Variants in MYCBP2 observed in about 807,000 individuals in gnomAD.
The protein encoded by MYCBP2 is E3 ubiquitin-protein ligase MYCBP2.
In MYCBP2, 120 loss-of-function variants were observed where a neutral mutation model predicts 525.3. That is an observed-to-expected ratio of 0.23 (90% confidence interval 0.20 to 0.27). The LOEUF (loss-of-function observed/expected upper bound fraction) is 0.27. MYCBP2 is among the 10% of genes least tolerant of loss of function. MYCBP2 has a pLI of 1.00. For missense variants in MYCBP2, 4,149 were observed against 5,657.1 expected (o/e 0.73, Z 8.55); for synonymous variants, 1,894 against 1,955.8 (o/e 0.97, Z 0.83).
Position 77,062,632 on chromosome 13 carries a change from C to T in MYCBP2, c.12738G>A (p.Gly4246=). 1.2e-6 allele frequency: 2 copies of T among 1,614,184 alleles called. No individual in the cohort carries two copies. Among genetic ancestry groups the T allele is most frequent in the South Asian group, 1.1e-5 (1 of 91,084 alleles). Residue 4246 remains glycine (G), a synonymous_variant, in exon 74 of 83, where the codon GGG becomes GGA. Coordinates refer to ENST00000544440, the MANE Select transcript of MYCBP2 (RefSeq NM_015057.5). Reference sequence around the variant, plus strand: ...GTTGTCCATCCTTTCCCATCCATCTCCCCGAGGAGAGACGATCTACGTGGT... The same window carrying T: ...GTTGTCCATCCTTTCCCATCCATCTTCCCGAGGAGAGACGATCTACGTGGT... ...DQDHVDRLSS[G]RWMGKDGQQK... is the part of the protein sequence containing the mutation.
At chr13:77,242,686 C>T (rs951922559) in intron 17 of MYCBP2, among the ~76,000 whole-genome samples, 7 of 152,114 alleles carry the variant, frequency 4.6e-5, no homozygotes, top group Non-Finnish European at 7.4e-5. Flanking sequence ...TTTTGTTCCA[C>T]GGTCAAATAG....
rs960394596 is a variant in MYCBP2, at chr13:77,061,876, T to C, written c.12775-86A>G. The C allele has an allele frequency of 6.8e-6, 9 of 1,319,888 alleles. No individual in the cohort carries two copies. The African/African-American group carries it at 1.4e-4, about 20-fold the overall frequency. The allele number at this position is 1,319,888 out of a possible 1,614,324, so 81.8% of individuals were successfully genotyped here. On this transcript the variant is annotated intron_variant, in intron 74 of 82. Transcript: ENST00000544440. ...ATTGAATATAATTTATTTACAAAAA[T>C]AAACCGTTATTCGGAAGTCTATTAA...
At chr13:77,093,732 C>G (rs1206729970) in intron 58 of MYCBP2, among the ~76,000 whole-genome samples, 1 of 152,136 alleles carries the variant, frequency 6.6e-6, no homozygotes, top group Non-Finnish European at 1.5e-5. Context: ...TTCTCATTCC[C>G]TATCATCACT....
Position 77,166,569 on chromosome 13 carries a change from CAA to C in MYCBP2, c.6115-17_6115-16del. Reference sequence around the variant, plus strand: ...GGGAATGTCACCTGAGGTCAACAGGCAAAGTGACATGAATACAGATATATATA... The same window carrying C: ...GGGAATGTCACCTGAGGTCAACAGGCAGTGACATGAATACAGATATATATA... On this transcript the variant is annotated splice_polypyrimidine_tract_variant and intron_variant, in intron 40 of 82. Coordinates refer to ENST00000544440, the MANE Select transcript of MYCBP2 (RefSeq NM_015057.5). The C allele has an allele frequency of 1.9e-6, 3 of 1,580,694 alleles. No homozygotes were observed. Among genetic ancestry groups the C allele is most frequent in the Non-Finnish European group, 2.6e-6 (3 of 1,152,360 alleles).
intron 2 of MYCBP2, among the ~76,000 whole-genome samples, chr13:77,292,276 T>C (rs1033138670): frequency 1.3e-5 from 2 of 152,162 alleles, no homozygotes; most frequent in Non-Finnish European, 2.9e-5. Context: ...TGCTGCTTGC[T>C]CTGTATCCTT....
At chr13:77,207,101 C>T (rs1381234215) in intron 23 of MYCBP2, among the ~76,000 whole-genome samples, 1 of 152,020 alleles carries the variant, frequency 6.6e-6, no homozygotes, top group Non-Finnish European at 1.5e-5. Context: ...TTGATACATA[C>T]ATATAAATAT....
rs1182235426 is a variant in MYCBP2 at position 77,243,954 on chromosome 13, AG to A, written c.2382-4del. 1.5e-6 allele frequency: 2 copies of A among 1,375,354 alleles called. No individual in the cohort carries two copies. The highest frequency in any genetic ancestry group is 1.9e-6 in the Non-Finnish European group (2 of 1,065,068). 85.2% of individuals were successfully genotyped at this position (1,375,354 alleles called of 1,614,324 possible). ...CTCCGGAACCACAACCACAGATCCT[AG>A]GGGGAAATACAAAAAAAAAAAAAAA... is the stretch of plus-strand genomic sequence containing the variant. On this transcript the variant is annotated splice_polypyrimidine_tract_variant and splice_region_variant and intron_variant, in intron 15 of 82. Coordinates refer to ENST00000544440, the MANE Select transcript of MYCBP2 (RefSeq NM_015057.5).
At chr13:77,239,131 A>C (rs1432471120) in intron 17 of MYCBP2, among the ~76,000 whole-genome samples, 11 of 152,186 alleles carry the variant, frequency 7.2e-5, no homozygotes. Context: ...AAAAAAAAGA[A>C]CTAGAGCCCA....
Position 77,270,316 on chromosome 13 carries a change from C to T in MYCBP2, c.1168G>A (p.Gly390Arg). ...ATTACCCTAACTGTTCCACTGTATC[C>T]AGAGCCTATTTTATATAATCCATCC... Reference protein sequence around the residue: ...CKDGLYKIGSGYSGTVRGHIY... With the variant: ...CKDGLYKIGSRYSGTVRGHIY... Residue 390 changes from glycine to arginine, a missense_variant, in exon 6 of 83, where the codon GGA (glycine) becomes AGA (arginine). By Grantham distance (125) the Gly-to-Arg change is moderately radical. Transcript: ENST00000544440. 1 of 1,612,746 alleles carries T rather than the reference C, an allele frequency of 6.2e-7. No individual in the cohort carries two copies. The highest frequency in any genetic ancestry group is 8.5e-7 in the Non-Finnish European group (1 of 1,179,180).
chr13:77,152,062 T>G (rs2056538879), intron 46 of MYCBP2, among the ~76,000 whole-genome samples: 1 of 152,244 alleles, frequency 6.6e-6, no homozygotes, highest in African/African-American at 2.4e-5. Flanking sequence ...AGTGATAGTA[T>G]TTTTAAGTAA....
At chr13:77,182,832 C>A (rs771241566) in intron 32 of MYCBP2, among the ~76,000 whole-genome samples, 3 of 152,158 alleles carry the variant, frequency 2.0e-5, no homozygotes, top group Non-Finnish European at 4.4e-5. Flanking sequence ...TACCACGTGT[C>A]TTGTTTCCAA....
intron 1 of MYCBP2, among the ~76,000 whole-genome samples, chr13:77,319,900 T>C (rs2081387273): frequency 6.6e-6 from 1 of 152,008 alleles, no homozygotes; most frequent in Non-Finnish European, 1.5e-5. Flanking sequence ...GGTAGGAGGG[T>C]TCCCAGGAAA....
intron 47 of MYCBP2, among the ~76,000 whole-genome samples, chr13:77,148,201 G>A (rs1187698686): frequency 6.6e-6 from 1 of 151,772 alleles, no homozygotes; most frequent in Non-Finnish European, 1.5e-5. Flanking sequence ...TTTAAAAAAT[G>A]AGACAAATAT....
intron 12 of MYCBP2, 122 bp downstream of exon 12, chr13:77,261,049 G>GAT (rs1259330519): frequency 1.1e-5 from 8 of 697,256 alleles, no homozygotes; most frequent in Non-Finnish European, 1.6e-5. Context: ...TCAAGTCAAT[G>GAT]ATATATATAT....
intron 2 of MYCBP2, among the ~76,000 whole-genome samples, chr13:77,288,900 C>A (rs560958114): frequency 1.3e-5 from 2 of 152,134 alleles, no homozygotes. Flanking sequence ...ACTGTAGATG[C>A]TTCCCTAAGC....
intron 50 of MYCBP2, 64 bp from the exon 51 acceptor site, chr13:77,140,227 A>G: frequency 9.7e-7 from 1 of 1,035,038 alleles, no homozygotes; most frequent in Non-Finnish European, 1.4e-6. Flanking sequence ...TACAAGTAGC[A>G]AGAAGTAAAA....
chr13:77,078,746 T>G, intron 66 of MYCBP2, 78 bp downstream of exon 66: 1 of 1,131,912 alleles, frequency 8.8e-7, no homozygotes, highest in Non-Finnish European at 1.3e-6. Flanking sequence ...GTGCCAAGGG[T>G]GGAATTCAAT....
chr13:77,170,615 C>T (rs1020930810), intron 38 of MYCBP2, among the ~76,000 whole-genome samples: 1 of 148,382 alleles, frequency 6.7e-6, no homozygotes, highest in Non-Finnish European at 1.5e-5. Context: ...GTCACTCTGA[C>T]ATCCAGGCTG....
At chr13:77,272,029 T>C (rs1354464219) in intron 5 of MYCBP2, among the ~76,000 whole-genome samples, 1 of 152,218 alleles carries the variant, frequency 6.6e-6, no homozygotes, top group Non-Finnish European at 1.5e-5. Context: ...GAACTGCAGC[T>C]ATTGATTCAG....
Sources: allele counts gnomAD v4.1 joint callset (sites outside exome capture counted in the v4.1 genomes callset), GRCh38; gene constraint gnomAD v4.1.1; transcripts MANE v1.5; gene names NCBI Gene and HGNC (gene_info 2026-07-23, HGNC 2026-07-21).